Variants in GNAI1 observed in about 807,000 individuals in gnomAD.
GNAI1 encodes the protein guanine nucleotide-binding protein G(i) subunit alpha-1.
In GNAI1, 11 loss-of-function variants were observed where a neutral mutation model predicts 38.9. The ratio of observed to expected loss-of-function variants is 0.28; its 90% CI spans 0.18 to 0.47. The LOEUF (loss-of-function observed/expected upper bound fraction) is 0.47, where lower values mean the gene tolerates loss of function less well. Among genes scored for constraint, GNAI1 ranks in the 20% least tolerant of loss-of-function variants. The probability of loss-of-function intolerance (pLI) is 0.99; values close to 1 mark genes in which losing one functional copy is unlikely to be tolerated. For synonymous variants in GNAI1, 166 were observed against 145.1 expected (o/e 1.14, Z -1.04); for missense variants, 317 against 436.9 (o/e 0.73, Z 2.45).
At chr7:80,146,471 T>A (rs1400546055) in intron 1 of GNAI1, among the ~76,000 whole-genome samples, 4 of 152,210 alleles carry the variant, frequency 2.6e-5, no homozygotes. Context: ...TAGGTTTTTG[T>A]GTTTTTTTCC....
rs1787689394 is a variant in GNAI1, at chr7:80,149,592, T to C, written c.118+14314T>C. Among the ~76,000 whole-genome samples, 7 of 152,104 alleles carry C rather than the reference T, an allele frequency of 4.6e-5. No individual in the cohort carries two copies. The South Asian group carries it at 1.4e-3, about 32-fold the overall frequency. On this transcript the variant is annotated intron_variant, in intron 1 of 7. Transcript: ENST00000649796. The stretch of plus-strand genomic sequence containing the variant: ...CAATTTTGGATTTGCTGAGGGGCAG[T>C]AGAAGGACTATATACTCTAAAGAAG...
Position 80,220,101 on chromosome 7 carries a change from T to C in GNAI1, c.*2608T>C, listed in dbSNP as rs1789044935. ...CTTCTATTCCTTGATCTGCATTGGC[T>C]CTGATTTGTCAATAAAATTAAGTAT... On this transcript the variant is annotated 3_prime_UTR_variant, in exon 8 of 8. Transcript: ENST00000649796. Among the ~76,000 whole-genome samples, 1 of 152,146 alleles carries C rather than the reference T, an allele frequency of 6.6e-6. No homozygotes were observed. The highest frequency in any genetic ancestry group is 1.5e-5 in the Non-Finnish European group (1 of 68,038).
intron 4 of GNAI1, among the ~76,000 whole-genome samples, chr7:80,199,983 G>C (rs957066387): frequency 6.6e-5 from 10 of 151,934 alleles, no homozygotes; most frequent in African/African-American, 2.4e-4. Flanking sequence ...TTTTCAGGTG[G>C]TGGCCCCAGA....
Position 80,224,265 on chromosome 7 carries a change from G to A in GNAI1, c.*6772G>A, listed in dbSNP as rs1789124685. On this transcript the variant is annotated 3_prime_UTR_variant, in exon 8 of 8. Coordinates refer to ENST00000649796, the MANE Select transcript of GNAI1 (RefSeq NM_002069.6). Reference sequence around the variant, plus strand: ...ATGCTCTCATTTAGTCATCAGAGCAGTCCTGCAATATTGGTAAAATTTCCA... The same window carrying A: ...ATGCTCTCATTTAGTCATCAGAGCAATCCTGCAATATTGGTAAAATTTCCA... Among the ~76,000 whole-genome samples, 1 of 152,178 alleles carries A rather than the reference G, an allele frequency of 6.6e-6. No individual in the cohort carries two copies. The highest frequency in any genetic ancestry group is 1.9e-4 in the East Asian group (1 of 5,204).
intron 1 of GNAI1, among the ~76,000 whole-genome samples, chr7:80,160,378 A>G (rs1787903126): frequency 6.6e-6 from 1 of 151,978 alleles, no homozygotes; most frequent in Admixed American, 6.6e-5. Flanking sequence ...TAAAAAATTC[A>G]TTATTCTGTA....
At chr7:80,177,772 C>T (rs1788215249) in intron 1 of GNAI1, among the ~76,000 whole-genome samples, 1 of 152,178 alleles carries the variant, frequency 6.6e-6, no homozygotes, top group African/African-American at 2.4e-5. Flanking sequence ...CTGTGCCCAG[C>T]CTAATGTTGT....
At chr7:80,164,118 C>T (rs1787972252) in intron 1 of GNAI1, among the ~76,000 whole-genome samples, 2 of 143,296 alleles carry the variant, frequency 1.4e-5, no homozygotes, top group Admixed American at 1.5e-4. Flanking sequence ...GATCTTGGCT[C>T]ACTGCAACCT....
chr7:80,201,478 G>A (rs1032114952), intron 4 of GNAI1, among the ~76,000 whole-genome samples: 8 of 152,068 alleles, frequency 5.3e-5, no homozygotes, highest in African/African-American at 1.9e-4. Context: ...CAGCATTTTG[G>A]GAGGCTGAGG....
At chr7:80,136,053 T>A in intron 1 of GNAI1, 1 of 985,342 alleles carries the variant, frequency 1.0e-6, no homozygotes. Context: ...CCACCGTTTC[T>A]GATGAATGAG....
At chr7:80,191,010 C>T (rs1007909818) in intron 3 of GNAI1, among the ~76,000 whole-genome samples, 2 of 152,052 alleles carry the variant, frequency 1.3e-5, no homozygotes, top group South Asian at 2.1e-4. Context: ...CTGCTTTGCT[C>T]ATCTTTGTTT....
chr7:80,152,094 G>C (rs1015232467), intron 1 of GNAI1, among the ~76,000 whole-genome samples: 1 of 152,142 alleles, frequency 6.6e-6, no homozygotes, highest in African/African-American at 2.4e-5. Flanking sequence ...GTGGCAGGTA[G>C]TATTAATCTC....
intron 3 of GNAI1, among the ~76,000 whole-genome samples, chr7:80,195,196 A>G (rs1022757914): frequency 6.6e-6 from 1 of 151,806 alleles, no homozygotes; most frequent in Non-Finnish European, 1.5e-5. Flanking sequence ...TATAAGATTT[A>G]TAAATTTGTA....
rs1243909467 is a variant in GNAI1, at chr7:80,203,823, T to G, written c.581T>G (p.Leu194Arg). Residue 194 changes from leucine (L) to arginine (R), a missense_variant, in exon 5 of 8, where the codon CTT becomes CGT. Leu to Arg is a moderately radical substitution (Grantham distance 102). This residue lies in a region of GNAI1 where 158 missense variants were observed against 234.7 expected (regional missense o/e 0.67). Transcript: ENST00000649796. ...GAAACCCATTTTACTTTCAAAGATC[T>G]TCATTTTAAGTGAGTAGCTTTGAAA... Reference protein sequence around the residue: ...IVETHFTFKDLHFKMFDVGGQ... With the variant: ...IVETHFTFKDRHFKMFDVGGQ... The G allele has an allele frequency of 1.3e-6, 2 of 1,545,404 alleles. No individual in the cohort carries two copies. Among genetic ancestry groups the G allele is most frequent in the Non-Finnish European group, 1.8e-6 (2 of 1,124,718 alleles).
intron 1 of GNAI1, among the ~76,000 whole-genome samples, chr7:80,143,964 G>A (rs965934508): frequency 1.3e-5 from 2 of 151,818 alleles, no homozygotes; most frequent in African/African-American, 4.8e-5. Flanking sequence ...ATGTGTGTGT[G>A]TGTATATATA....
At chr7:80,194,339 A>G (rs1788531996) in intron 3 of GNAI1, among the ~76,000 whole-genome samples, 1 of 151,824 alleles carries the variant, frequency 6.6e-6, no homozygotes, top group South Asian at 2.1e-4. Flanking sequence ...TGTTTTGATG[A>G]TCTGTTTGCT....
intron 1 of GNAI1, among the ~76,000 whole-genome samples, chr7:80,147,897 A>G (rs956349486): frequency 1.3e-5 from 2 of 152,174 alleles, no homozygotes; most frequent in African/African-American, 4.8e-5. Flanking sequence ...ATATTTATAG[A>G]ATGCCAGTTC....
chr7:80,214,377 T>C (rs1013496752), intron 7 of GNAI1, among the ~76,000 whole-genome samples: 4 of 152,184 alleles, frequency 2.6e-5, no homozygotes, highest in African/African-American at 9.7e-5. Flanking sequence ...TCATATTCTA[T>C]GATGTAGCCA....
In GNAI1 at chr7:80,225,823, C is replaced by T. The variant is rs975728752; in HGVS notation, c.*8330C>T. Reference sequence around the variant, plus strand: ...TTTGAGTTCATTAGTTTAATGGGATCGATCTGAGAAAAATTAGATTTATGT... The same window carrying T: ...TTTGAGTTCATTAGTTTAATGGGATTGATCTGAGAAAAATTAGATTTATGT... On this transcript the variant is annotated 3_prime_UTR_variant, in exon 8 of 8. Transcript: ENST00000649796. 3.3e-5 allele frequency among the ~76,000 whole-genome samples: 5 copies of T among 152,052 alleles called. No individual in the cohort carries two copies. Among genetic ancestry groups the T allele is most frequent in the Admixed American group, 3.3e-4 (5 of 15,252 alleles).
intron 1 of GNAI1, among the ~76,000 whole-genome samples, chr7:80,141,958 T>G (rs959096106): frequency 2.0e-5 from 3 of 152,208 alleles, no homozygotes; most frequent in South Asian, 4.1e-4. Context: ...CAAGTCCTCA[T>G]CAGCAGCAAA....
Sources: allele counts gnomAD v4.1 joint callset (sites outside exome capture counted in the v4.1 genomes callset), GRCh38; gene constraint gnomAD v4.1.1; regional missense constraint gnomAD v4.1.1; transcripts MANE v1.5; gene names NCBI Gene and HGNC (gene_info 2026-07-23, HGNC 2026-07-21).